Variants in C11orf86 observed in about 807,000 individuals in gnomAD.
C11orf86 encodes chromosome 11 open reading frame 86, also known as uncharacterized protein C11orf86.
Under a neutral mutation model 11.1 loss-of-function variants are expected in C11orf86, and 13 were observed. The observed-to-expected ratio is 1.17, with a 90% CI of 0.76 to 1.86. The LOEUF (loss-of-function observed/expected upper bound fraction) is 1.86. Ranked by LOEUF, C11orf86 falls within the 40% of genes most tolerant of loss-of-function variation. The pLI is 0.00. For synonymous variants in C11orf86, 86 were observed against 64.7 expected (o/e 1.33, Z -1.58); for missense variants, 144 against 146.5 (o/e 0.98, Z 0.09).
rs937940424 is a variant in C11orf86 at position 66,976,504 on chromosome 11, G to A, written c.*253G>A. ...GGGTCAAAAAGAAGGGGGCTCAGCT[G>A]TCTGCCCTCTGGGCTTGGGTAGGGG... On this transcript the variant is annotated 3_prime_UTR_variant, in exon 2 of 2. Coordinates refer to ENST00000683896, the MANE Select transcript of C11orf86 (RefSeq NM_001353554.2). 4.8e-5 allele frequency: 26 copies of A among 545,856 alleles called. No individual in the cohort carries two copies. Among genetic ancestry groups the A allele is most frequent in the Non-Finnish European group, 7.9e-5 (24 of 304,596 alleles). The allele number at this position is 545,856 out of a possible 1,614,324, so 33.8% of individuals were successfully genotyped here.
chr11:66,975,649 G>C lies in C11orf86; in HGVS notation c.276+11G>C, dbSNP rs1379481738. On this transcript the variant is annotated intron_variant, in intron 1 of 1. Transcript: ENST00000683896. ...AGGCGGTACCAACAGGTATGGCTGT[G>C]GGCTGAAGGATGGAGGGTACCACAG... The C allele has an allele frequency of 2.6e-5, 40 of 1,546,344 alleles. No individual in the cohort carries two copies.
rs1381740831 is a variant in C11orf86 at position 66,975,549 on chromosome 11, G to A, written c.187G>A (p.Glu63Lys). The A allele has an allele frequency of 1.9e-6, 3 of 1,551,550 alleles. No homozygotes were observed. Among genetic ancestry groups the A allele is most frequent in the East Asian group, 4.9e-5 (2 of 40,918 alleles). ...GTEGPDATAQ[E>K]RVPGSLGDTE... ...AGAAGGGCCAGATGCCACTGCCCAG[G>A]AGCGGGTGCCGGGGAGCCTGGGGGA... The change falls in exon 1 of 2, where the codon GAG (glutamate) becomes AAG (lysine). Residue 63 changes from glutamate (E) to lysine (K), a missense_variant. Physicochemically the swap from Glu to Lys is moderately conservative, Grantham distance 56 (BLOSUM62 1). Transcript: ENST00000683896.
chr11:66,975,467 G>A lies in C11orf86; in HGVS notation c.105G>A (p.Ala35=), dbSNP rs769465054. The change falls in exon 1 of 2, where the codon GCG becomes GCA. Residue 35 remains alanine, a synonymous_variant. Coordinates refer to ENST00000683896, the MANE Select transcript of C11orf86 (RefSeq NM_001353554.2). The part of the protein sequence containing the change: ...GRPQEGQLRR[A]LSLRQGQEKS... ...CCCAGGAGGGCCAACTCCGCAGGGC[G>A]CTAAGCCTCAGACAGGGGCAAGAGA... 8.8e-5 allele frequency: 137 copies of A among 1,551,198 alleles called. No individual in the cohort carries two copies. The highest frequency in any genetic ancestry group is 7.9e-4 in the Admixed American group (40 of 50,948).
chr11:66,976,322 C>G lies in C11orf86; in HGVS notation c.*71C>G, dbSNP rs1029152533. On this transcript the variant is annotated 3_prime_UTR_variant, in exon 2 of 2. Coordinates refer to ENST00000683896, the MANE Select transcript of C11orf86 (RefSeq NM_001353554.2). ...CCCCCTTGCTGTGCCTGGACCAGCC[C>G]ACCGTGTCTGCTGACCTACCTCTTC... 1 of 1,466,808 alleles carries G rather than the reference C, an allele frequency of 6.8e-7. No homozygotes were observed. The highest frequency in any genetic ancestry group is 9.3e-7 in the Non-Finnish European group (1 of 1,077,848). 90.9% of individuals were successfully genotyped at this position (1,466,808 alleles called of 1,614,324 possible). A position where few individuals can be genotyped will look rare whatever the true frequency, so the allele number is the denominator to read the frequency against.
rs374975894 is a variant in C11orf86, at chr11:66,975,650, G to A, written c.276+12G>A. The A allele has an allele frequency of 1.8e-4, 286 of 1,546,690 alleles. 2 individuals carry two copies. In the African/African-American group the frequency reaches 3.4e-3, roughly 18 times the overall value. On this transcript the variant is annotated intron_variant, in intron 1 of 1. Transcript: ENST00000683896. Reference sequence around the variant, plus strand: ...GGCGGTACCAACAGGTATGGCTGTGGGCTGAAGGATGGAGGGTACCACAGC... The same window carrying A: ...GGCGGTACCAACAGGTATGGCTGTGAGCTGAAGGATGGAGGGTACCACAGC...
In C11orf86 at chr11:66,975,332, G is replaced by A; in HGVS notation, c.-31G>A. 1 of 1,535,312 alleles carries A rather than the reference G, an allele frequency of 6.5e-7. No individual in the cohort carries two copies. The highest frequency in any genetic ancestry group is 8.7e-7 in the Non-Finnish European group (1 of 1,143,308). ...GGGCCAGTGTCTTGCTGAGGGGCCG[G>A]AGCAGTCCTGTGCCTGCAGCCTCCG... On this transcript the variant is annotated 5_prime_UTR_variant, in exon 1 of 2. Transcript: ENST00000683896.
rs1239660571 is a variant in C11orf86 at position 66,975,613 on chromosome 11, G to T, written c.251G>T (p.Arg84Leu). The change falls in exon 1 of 2, where the codon CGG (arginine) becomes CTG (leucine). Residue 84 changes from arginine (R) to leucine (L), a missense_variant. Coordinates refer to ENST00000683896, the MANE Select transcript of C11orf86 (RefSeq NM_001353554.2). ...QLIQAQRRGS[R>L]WWLRRYQQQV... ...ATCCAAGCCCAGCGAAGAGGCAGCC[G>T]GTGGTGGCTGAGGCGGTACCAACAG... 1 of 1,551,206 alleles carries T rather than the reference G, an allele frequency of 6.4e-7. No homozygotes were observed. Among genetic ancestry groups the T allele is most frequent in the Non-Finnish European group, 8.7e-7 (1 of 1,146,812 alleles).
rs1949791174 is a variant in C11orf86, at chr11:66,976,556, TAGA to T, written c.*311_*313del. ...CTTGGACTATGATTCTATGAAGGTT[TAGA>T]AGAAGCCTGCCCGGAATGGGGGCTG... On this transcript the variant is annotated 3_prime_UTR_variant, in exon 2 of 2. Transcript: ENST00000683896. 1 of 392,858 alleles carries T rather than the reference TAGA, an allele frequency of 2.5e-6. No individual in the cohort carries two copies. Among genetic ancestry groups the T allele is most frequent in the African/African-American group, 2.0e-5 (1 of 49,618 alleles). 24.3% of individuals were successfully genotyped at this position (392,858 alleles called of 1,614,324 possible). A position where few individuals can be genotyped will look rare whatever the true frequency, so the allele number is the denominator to read the frequency against.
chr11:66,975,623 G>T lies in C11orf86; in HGVS notation c.261G>T (p.Leu87=), dbSNP rs1425620211. The part of the protein sequence containing the change: ...QAQRRGSRWW[L]RRYQQQVRRR... ...AGCGAAGAGGCAGCCGGTGGTGGCT[G>T]AGGCGGTACCAACAGGTATGGCTGT... is the stretch of plus-strand genomic sequence containing the variant. Residue 87 remains leucine, a synonymous_variant, in exon 1 of 2, where the codon CTG becomes CTT. Coordinates refer to ENST00000683896, the MANE Select transcript of C11orf86 (RefSeq NM_001353554.2). The T allele has an allele frequency of 6.4e-7, 1 of 1,550,978 alleles. No homozygotes were observed. The highest frequency in any genetic ancestry group is 8.7e-7 in the Non-Finnish European group (1 of 1,146,724).
chr11:66,975,491 G>T lies in C11orf86; in HGVS notation c.129G>T (p.Glu43Asp). ...RRALSLRQGQ[E>D]KSRSQGLERG... ...CGCTAAGCCTCAGACAGGGGCAAGAGAAGTCCAGGTCCCAGGGCCTCGAGA... is the reference window on the plus strand; with the variant it reads ...CGCTAAGCCTCAGACAGGGGCAAGATAAGTCCAGGTCCCAGGGCCTCGAGA... The change falls in exon 1 of 2, where the codon GAG becomes GAT. Residue 43 changes from glutamate to aspartate, a missense_variant. By Grantham distance (45) the Glu-to-Asp change is conservative. Coordinates refer to ENST00000683896, the MANE Select transcript of C11orf86 (RefSeq NM_001353554.2). 6.4e-7 allele frequency: 1 copy of T among 1,551,516 alleles called. No individual in the cohort carries two copies. The highest frequency in any genetic ancestry group is 1.4e-5 in the African/African-American group (1 of 73,188).
At position 66,976,242 on chromosome 11, in the gene C11orf86, C is replaced by T; in HGVS notation, c.342C>T (p.Ala114=). ...IFPSVTLSQP[A]SP ...CCAGCGTGACTCTGAGTCAGCCGGC[C>T]TCCCCGTAGCCCACACTGGGCACCA... Residue 114 remains alanine, a synonymous_variant, in exon 2 of 2, where the codon GCC becomes GCT. Transcript: ENST00000683896. 6.4e-7 allele frequency: 1 copy of T among 1,551,108 alleles called. No homozygotes were observed.
chr11:66,976,560 A>G lies in C11orf86; in HGVS notation c.*309A>G. 1 of 382,492 alleles carries G rather than the reference A, an allele frequency of 2.6e-6. No individual in the cohort carries two copies. The highest frequency in any genetic ancestry group is 4.4e-5 in the South Asian group (1 of 22,694). 23.7% of individuals were successfully genotyped at this position (382,492 alleles called of 1,614,324 possible). On this transcript the variant is annotated 3_prime_UTR_variant, in exon 2 of 2. Coordinates refer to ENST00000683896, the MANE Select transcript of C11orf86 (RefSeq NM_001353554.2). ...GACTATGATTCTATGAAGGTTTAGA[A>G]GAAGCCTGCCCGGAATGGGGGCTGT...
Position 66,975,778 on chromosome 11 carries a change from G to A in C11orf86, c.276+140G>A. On this transcript the variant is annotated intron_variant, in intron 1 of 1. Coordinates refer to ENST00000683896, the MANE Select transcript of C11orf86 (RefSeq NM_001353554.2). ...CTGCCTGGAGATGAGGGTGCAGAGAGAGACACCCCAGAGCCACGTTTCAGA... is the reference window on the plus strand; with the variant it reads ...CTGCCTGGAGATGAGGGTGCAGAGAAAGACACCCCAGAGCCACGTTTCAGA... The A allele has an allele frequency of 3.8e-6, 5 of 1,305,546 alleles. No homozygotes were observed. In the South Asian group the frequency reaches 6.1e-5, roughly 16 times the overall value. 80.9% of individuals were successfully genotyped at this position (1,305,546 alleles called of 1,614,324 possible).
At chr11:66,976,113 T>C (rs2063820307) in intron 1 of C11orf86, 64 bp from the exon 2 acceptor site, 4 of 1,466,854 alleles carry the variant, frequency 2.7e-6, no homozygotes, top group African/African-American at 2.8e-5. Flanking sequence ...CTCGTGGCTA[T>C]GGGTGGAACA....
rs1448410845 is a variant in C11orf86, at chr11:66,975,347, T to C, written c.-16T>C. On this transcript the variant is annotated 5_prime_UTR_variant, in exon 1 of 2. Coordinates refer to ENST00000683896, the MANE Select transcript of C11orf86 (RefSeq NM_001353554.2). ...TGAGGGGCCGGAGCAGTCCTGTGCC[T>C]GCAGCCTCCGGAGCCATGGGAACAG... is the stretch of plus-strand genomic sequence containing the variant. 2 of 1,542,138 alleles carry C rather than the reference T, an allele frequency of 1.3e-6. No individual in the cohort carries two copies. Among genetic ancestry groups the C allele is most frequent in the Admixed American group, 2.1e-5 (1 of 47,828 alleles).
chr11:66,976,411 C>T lies in C11orf86; in HGVS notation c.*160C>T. The T allele has an allele frequency of 1.5e-6, 1 of 673,668 alleles. No homozygotes were observed. The highest frequency in any genetic ancestry group is 2.6e-6 in the Non-Finnish European group (1 of 389,198). 41.7% of individuals were successfully genotyped at this position (673,668 alleles called of 1,614,324 possible). On this transcript the variant is annotated 3_prime_UTR_variant, in exon 2 of 2. Coordinates refer to ENST00000683896, the MANE Select transcript of C11orf86 (RefSeq NM_001353554.2). The stretch of plus-strand genomic sequence containing the variant: ...TTCTGCCACCAGCTCACTGGAGTCG[C>T]CACGTGGCTGCCACTCTTAGCTCTG...
Position 66,976,344 on chromosome 11 carries a change from C to T in C11orf86, c.*93C>T. On this transcript the variant is annotated 3_prime_UTR_variant, in exon 2 of 2. Transcript: ENST00000683896. The stretch of plus-strand genomic sequence containing the variant: ...GCCCACCGTGTCTGCTGACCTACCT[C>T]TTCACAGCTCTCTGGACTTTGGCTG... The T allele has an allele frequency of 7.5e-7, 1 of 1,341,510 alleles. No homozygotes were observed. Among genetic ancestry groups the T allele is most frequent in the Non-Finnish European group, 1.0e-6 (1 of 969,338 alleles). The allele number at this position is 1,341,510 out of a possible 1,614,324, so 83.1% of individuals were successfully genotyped here.
rs555024530 is a variant in C11orf86, at chr11:66,976,043, C to T, written c.277-134C>T. 6 of 843,806 alleles carry T rather than the reference C, an allele frequency of 7.1e-6. No individual in the cohort carries two copies. The African/African-American group carries it at 8.4e-5, about 12-fold the overall frequency. The allele number at this position is 843,806 out of a possible 1,614,324, so 52.3% of individuals were successfully genotyped here. A position where few individuals can be genotyped will look rare whatever the true frequency, so the allele number is the denominator to read the frequency against. ...CCCTTTGTGGGGGGCTGCAGGCTCCCTCCTCTAAGAGACAGGGTCTCCAAT... is the reference window on the plus strand; with the variant it reads ...CCCTTTGTGGGGGGCTGCAGGCTCCTTCCTCTAAGAGACAGGGTCTCCAAT... On this transcript the variant is annotated intron_variant, in intron 1 of 1. Transcript: ENST00000683896.
chr11:66,976,448 C>A lies in C11orf86; in HGVS notation c.*197C>A. 1 of 599,114 alleles carries A rather than the reference C, an allele frequency of 1.7e-6. No homozygotes were observed. Among genetic ancestry groups the A allele is most frequent in the Admixed American group, 2.8e-5 (1 of 35,432 alleles). The allele number at this position is 599,114 out of a possible 1,614,324, so 37.1% of individuals were successfully genotyped here. On this transcript the variant is annotated 3_prime_UTR_variant, in exon 2 of 2. Coordinates refer to ENST00000683896, the MANE Select transcript of C11orf86 (RefSeq NM_001353554.2). ...CACTCTTAGCTCTGGCCCTTCCACTCCAGCACTAGCTCTCTTTGAAGATCC... is the reference window on the plus strand; with the variant it reads ...CACTCTTAGCTCTGGCCCTTCCACTACAGCACTAGCTCTCTTTGAAGATCC...
Sources: gnomAD v4.1 joint callset for allele counts on GRCh38, gnomAD v4.1.1 for gene constraint, MANE v1.5 for transcripts, NCBI Gene and HGNC (gene_info 2026-07-23, HGNC 2026-07-21) for gene names.